Variants in RAB11FIP2 observed in about 807,000 individuals in gnomAD.
RAB11FIP2 encodes RAB11 family interacting protein 2.
A neutral mutation model predicts 40.9 loss-of-function variants in RAB11FIP2; 16 were observed. The ratio of observed to expected loss-of-function variants is 0.39; its 90% CI spans 0.26 to 0.59. RAB11FIP2 has a LOEUF of 0.59. Among genes scored for constraint, RAB11FIP2 ranks in the 20% least tolerant of loss-of-function variants. The pLI, the probability that RAB11FIP2 is intolerant of heterozygous loss-of-function variation, is 0.53. For missense variants in RAB11FIP2, 532 were observed against 606.2 expected (o/e 0.88, Z 1.28); for synonymous variants, 228 against 213.7 (o/e 1.07, Z -0.58).
intron 3 of RAB11FIP2, among the ~76,000 whole-genome samples, chr10:118,037,333 T>C (rs546374744): frequency 6.6e-6 from 1 of 152,162 alleles, no homozygotes; most frequent in South Asian, 2.1e-4. Flanking sequence ...CAAATATCCA[T>C]TTATAGGTAA....
intron 2 of RAB11FIP2, 76 bp from the exon 3 acceptor site, chr10:118,039,516 C>T: frequency 7.9e-7 from 1 of 1,265,828 alleles, no homozygotes; most frequent in South Asian, 1.4e-5. Context: ...TGTGTGCATT[C>T]TGCTGCTTTT....
chr10:118,029,907 G>A (rs184723338), intron 3 of RAB11FIP2, among the ~76,000 whole-genome samples: 10 of 152,234 alleles, frequency 6.6e-5, no homozygotes, highest in Non-Finnish European at 1.5e-4. Context: ...CAGACTTGAA[G>A]GTAGCATAGG....
intron 3 of RAB11FIP2, among the ~76,000 whole-genome samples, chr10:118,026,334 C>A (rs377464065): frequency 3.3e-5 from 5 of 151,810 alleles, no homozygotes; most frequent in East Asian, 3.9e-4. Context: ...TTTTTAAAAC[C>A]AGGATGACAA....
At position 118,046,152 on chromosome 10, in the gene RAB11FIP2, G is replaced by A. The variant is rs375749090; in HGVS notation, c.12C>T (p.Ser4=). 23 of 1,613,554 alleles carry A rather than the reference G, an allele frequency of 1.4e-5. No individual in the cohort carries two copies. Among genetic ancestry groups the A allele is most frequent in the Non-Finnish European group, 1.8e-5 (21 of 1,179,856 alleles). The change falls in exon 1 of 5, where the codon TCC becomes TCT. Residue 4 remains serine (S), a synonymous_variant. Coordinates refer to ENST00000355624, the MANE Select transcript of RAB11FIP2 (RefSeq NM_014904.3). ...TTGGAAACCACTTTTGGGCTTGCTC[G>A]GACAGCATCATCCTGTCCTGTTTCT... The part of the protein sequence containing the change: MML[S]EQAQKWFPTH...
In RAB11FIP2 at chr10:118,006,311, T is replaced by C. The variant is rs533556570; in HGVS notation, c.*2687A>G. ...TAGCTTAAGATAGTCTTGAGATAAA[T>C]ATCAATTCTGTGATTTTAAAAAATC... On this transcript the variant is annotated 3_prime_UTR_variant, in exon 5 of 5. Coordinates refer to ENST00000355624, the MANE Select transcript of RAB11FIP2 (RefSeq NM_014904.3). The C allele has an allele frequency of 1.3e-5, 2 of 152,706 alleles. No homozygotes were observed. The highest frequency in any genetic ancestry group is 4.1e-4 in the South Asian group (2 of 4,832). 9.5% of individuals were successfully genotyped at this position (152,706 alleles called of 1,614,324 possible).
At chr10:118,016,070 T>C (rs1463257764) in intron 3 of RAB11FIP2, among the ~76,000 whole-genome samples, 1 of 152,228 alleles carries the variant, frequency 6.6e-6, no homozygotes, top group African/African-American at 2.4e-5. Context: ...CTGGATATAA[T>C]GTTGGTAAAG....
At chr10:118,017,368 A>G (rs971732678) in intron 3 of RAB11FIP2, 1 of 152,246 alleles carries the variant, frequency 6.6e-6, no homozygotes, top group Non-Finnish European at 1.5e-5. Context: ...AGCACTCCGG[A>G]TAATTAAATT....
chr10:118,045,823 CTTT>C lies in RAB11FIP2; in HGVS notation c.338_340del (p.Gln113del), dbSNP rs569248696. 1.6e-4 allele frequency: 264 copies of C among 1,602,522 alleles called. 1 individual carries two copies. The African/African-American group carries it at 3.1e-3, about 19-fold the overall frequency. ...TTACATAACTTACTCTGTTTTCCTT[CTTT>C]GTTTGTCCTCAAAGATGTCATTGAG... is the stretch of plus-strand genomic sequence containing the variant. On this transcript the variant is annotated inframe_deletion, in exon 1 of 5. Coordinates refer to ENST00000355624, the MANE Select transcript of RAB11FIP2 (RefSeq NM_014904.3).
Position 118,039,337 on chromosome 10 carries a change from T to C in RAB11FIP2, c.900A>G (p.Gln300=). The C allele has an allele frequency of 6.2e-7, 1 of 1,613,730 alleles. No homozygotes were observed. Among genetic ancestry groups the C allele is most frequent in the Non-Finnish European group, 8.5e-7 (1 of 1,179,700 alleles). ...VDEGELCFGR[Q]NDPFTNVTAS... ...CAGTCACATTTGTAAATGGGTCATT[T>C]TGTCTTCCGAAACACAATTCACCTT... The change falls in exon 3 of 5, where the codon CAA becomes CAG. Residue 300 remains glutamine (Q), a synonymous_variant. Coordinates refer to ENST00000355624, the MANE Select transcript of RAB11FIP2 (RefSeq NM_014904.3).
In RAB11FIP2 at chr10:118,039,375, T is replaced by C. The variant is rs1791009112; in HGVS notation, c.862A>G (p.Ser288Gly). ...CACAATTCACCTTCATCCACAATGCTGTCAGGTTGGTTCATTTTAGAAGTA... is the reference window on the plus strand; with the variant it reads ...CACAATTCACCTTCATCCACAATGCCGTCAGGTTGGTTCATTTTAGAAGTA... ...FDTSKMNQPDSIVDEGELCFG... is the reference protein window; with the variant it reads ...FDTSKMNQPDGIVDEGELCFG... Residue 288 changes from serine to glycine, a missense_variant, in exon 3 of 5, where the codon AGC (serine) becomes GGC (glycine). Coordinates refer to ENST00000355624, the MANE Select transcript of RAB11FIP2 (RefSeq NM_014904.3). 6.2e-7 allele frequency: 1 copy of C among 1,613,470 alleles called. No homozygotes were observed. The highest frequency in any genetic ancestry group is 1.1e-5 in the South Asian group (1 of 91,078).
chr10:118,038,611 C>A lies in RAB11FIP2; in HGVS notation c.1265+361G>T, dbSNP rs117819533. Among the ~76,000 whole-genome samples the A allele has an allele frequency of 9.5e-3, 1,444 of 152,084 alleles. 6 individuals carry two copies. Among genetic ancestry groups the A allele is most frequent in the Non-Finnish European group, 0.016 (1,077 of 67,946 alleles). ...TGGTCCTTTCCAGGTAGCCCATGAA[C>A]GAATCCCTAGAAACATTATCACCTA... On this transcript the variant is annotated intron_variant, in intron 3 of 4. Transcript: ENST00000355624.
rs1231194158 is a variant in RAB11FIP2, at chr10:118,006,016, A to G, written c.*2982T>C. 6.6e-6 allele frequency: 1 copy of G among 152,666 alleles called. No individual in the cohort carries two copies. Among genetic ancestry groups the G allele is most frequent in the Non-Finnish European group, 1.5e-5 (1 of 68,032 alleles). 9.5% of individuals were successfully genotyped at this position (152,666 alleles called of 1,614,324 possible). On this transcript the variant is annotated 3_prime_UTR_variant, in exon 5 of 5. Transcript: ENST00000355624. Reference sequence around the variant, plus strand: ...TAGTTATGTATAATCTATAGATAATACTACATTCAGGGGACAATGGCAAAA... The same window carrying G: ...TAGTTATGTATAATCTATAGATAATGCTACATTCAGGGGACAATGGCAAAA...
chr10:118,037,710 T>C (rs1272025696), intron 3 of RAB11FIP2, among the ~76,000 whole-genome samples: 1 of 152,088 alleles, frequency 6.6e-6, no homozygotes, highest in Non-Finnish European at 1.5e-5. Context: ...CATTCAGGTC[T>C]GTACACTCTA....
Position 118,030,480 on chromosome 10 carries a change from G to A in RAB11FIP2, c.1265+8492C>T, listed in dbSNP as rs185247704. 3.9e-5 allele frequency among the ~76,000 whole-genome samples: 6 copies of A among 152,122 alleles called. No homozygotes were observed. The East Asian group carries it at 9.7e-4, about 25-fold the overall frequency. ...TCTCCATAGGTCTTGTTAATTACCC[G>A]TCTCCTGTCTCAGAGGACCTTGTTA... is the stretch of plus-strand genomic sequence containing the variant. On this transcript the variant is annotated intron_variant, in intron 3 of 4. Coordinates refer to ENST00000355624, the MANE Select transcript of RAB11FIP2 (RefSeq NM_014904.3).
At chr10:118,027,522 A>C (rs188523646) in intron 3 of RAB11FIP2, among the ~76,000 whole-genome samples, 2 of 152,350 alleles carry the variant, frequency 1.3e-5, no homozygotes, top group African/African-American at 2.4e-5. Flanking sequence ...TCTAGAAAAC[A>C]AAATATGTGA....
At chr10:118,036,234 T>C (rs1410043891) in intron 3 of RAB11FIP2, among the ~76,000 whole-genome samples, 6 of 152,016 alleles carry the variant, frequency 3.9e-5, no homozygotes, top group Non-Finnish European at 8.8e-5. Flanking sequence ...AAAATGCAGT[T>C]CCATGGCTAT....
chr10:118,037,781 G>GAT lies in RAB11FIP2; in HGVS notation c.1265+1189_1265+1190dup, dbSNP rs138411590. Among the ~76,000 whole-genome samples, 148 of 152,066 alleles carry GAT rather than the reference G, an allele frequency of 9.7e-4. 2 individuals are homozygous for GAT. In the Middle Eastern group the frequency reaches 0.01, roughly 11 times the overall value. On this transcript the variant is annotated intron_variant, in intron 3 of 4. Transcript: ENST00000355624. ...TAAACACTCTAGCATGCTCTTCCAA[G>GAT]ATAATTACAGTCATCTCTCAGTATC...
intron 3 of RAB11FIP2, among the ~76,000 whole-genome samples, chr10:118,033,084 AAC>A (rs1491465164): frequency 6.6e-6 from 1 of 152,112 alleles, no homozygotes; most frequent in Admixed American, 6.6e-5. Context: ...TAGAAAAAAA[AAC>A]ACAGGATATA....
chr10:118,023,769 A>C (rs1846308925), intron 3 of RAB11FIP2, among the ~76,000 whole-genome samples: 1 of 152,206 alleles, frequency 6.6e-6, no homozygotes, highest in East Asian at 1.9e-4. Context: ...TGACTATTAT[A>C]ATAGTCAATC....
Sources: gnomAD v4.1 joint callset for allele counts (sites outside exome capture counted in the v4.1 genomes callset) on GRCh38, gnomAD v4.1.1 for gene constraint, MANE v1.5 for transcripts, NCBI Gene and HGNC (gene_info 2026-07-23, HGNC 2026-07-21) for gene names.